The following PGR variants were observed in gnomAD, a reference collection of about 807,000 sequenced individuals.
PGR encodes the protein nuclear receptor subfamily 3 group C member 3.
A neutral mutation model predicts 76.1 loss-of-function variants in PGR; 25 were observed. The ratio of observed to expected loss-of-function variants is 0.33; its 90% CI spans 0.24 to 0.46. PGR has a LOEUF of 0.46. PGR is among the 20% of genes least tolerant of loss of function. The probability of loss-of-function intolerance (pLI) is 1.00; values close to 1 mark genes in which losing one functional copy is unlikely to be tolerated. For synonymous variants in PGR, 579 were observed against 535.0 expected, an observed-to-expected ratio of 1.08 and a Z score of -1.14; for missense variants, 1,172 against 1,225.3, an observed-to-expected ratio of 0.96 and a Z score of 0.65.
At chr11:101,059,842 CAAAAAAAAAA>C (rs781123527) in intron 4 of PGR, among the ~76,000 whole-genome samples, 1 of 62,808 alleles carries the variant, frequency 1.6e-5, no homozygotes, top group Non-Finnish European at 3.2e-5. Flanking sequence ...GACCCTCTCT[CAAAAAAAAAA>C]AAAAAAAAAG....
chr11:101,060,192 CGT>C (rs35939398), intron 4 of PGR, among the ~76,000 whole-genome samples: 5 of 150,700 alleles, frequency 3.3e-5, no homozygotes, highest in Admixed American at 6.6e-5. Context: ...TGTGTGTGTG[CGT>C]GTGTGTGTGT....
At chr11:101,118,018 T>G (rs1369469114) in intron 2 of PGR, among the ~76,000 whole-genome samples, 2 of 152,224 alleles carry the variant, frequency 1.3e-5, no homozygotes, top group Non-Finnish European at 2.9e-5. Flanking sequence ...GCACCCTAAG[T>G]CTGCAACACA....
At chr11:101,086,533 G>C (rs1311113211) in intron 3 of PGR, among the ~76,000 whole-genome samples, 3 of 152,142 alleles carry the variant, frequency 2.0e-5, no homozygotes, top group Non-Finnish European at 2.9e-5. Flanking sequence ...TCTGGAAAAA[G>C]TTAAGGATGC....
At chr11:101,125,029 C>T (rs1018617086) in intron 2 of PGR, among the ~76,000 whole-genome samples, 3 of 151,848 alleles carry the variant, frequency 2.0e-5, no homozygotes, top group African/African-American at 7.3e-5. Flanking sequence ...AACAAACAAA[C>T]AAAAATCCTC....
chr11:101,106,863 C>T (rs1445664141), intron 2 of PGR, among the ~76,000 whole-genome samples: 1 of 152,186 alleles, frequency 6.6e-6, no homozygotes, highest in African/African-American at 2.4e-5. Flanking sequence ...GGCACGTATA[C>T]ACCATGGAAT....
At chr11:101,080,994 C>T (rs1861287322) in intron 3 of PGR, among the ~76,000 whole-genome samples, 1 of 151,974 alleles carries the variant, frequency 6.6e-6, no homozygotes, top group Admixed American at 6.6e-5. Context: ...CAAAAAAACC[C>T]TATGAATTAT....
Position 101,030,737 on chromosome 11 carries a change from G to A in PGR, c.*8379C>T, listed in dbSNP as rs537329388. 18 of 207,168 alleles carry A rather than the reference G, an allele frequency of 8.7e-5. No individual in the cohort carries two copies. The highest frequency in any genetic ancestry group is 1.9e-4 in the South Asian group (1 of 5,290). 12.8% of individuals were successfully genotyped at this position (207,168 alleles called of 1,614,324 possible). On this transcript the variant is annotated 3_prime_UTR_variant, in exon 8 of 8. Coordinates refer to ENST00000325455, the MANE Select transcript of PGR (RefSeq NM_000926.4). ...TCTGGAGATTAGGGCTTTCTCAAGCGAAAAACATGGTCTAAATCTCAAAGG... is the reference window on the plus strand; with the variant it reads ...TCTGGAGATTAGGGCTTTCTCAAGCAAAAAACATGGTCTAAATCTCAAAGG...
At chr11:101,044,791 C>T (rs1352047189) in intron 6 of PGR, among the ~76,000 whole-genome samples, 2 of 149,972 alleles carry the variant, frequency 1.3e-5, no homozygotes, top group Admixed American at 6.7e-5. Flanking sequence ...ACTGCAACCT[C>T]CGCCTCCCAT....
intron 3 of PGR, among the ~76,000 whole-genome samples, chr11:101,084,953 G>C (rs1029373932): frequency 1.3e-5 from 2 of 152,172 alleles, no homozygotes; most frequent in Non-Finnish European, 2.9e-5. Context: ...GGCACACCCA[G>C]ATTCATAAAA....
rs899990073 is a variant in PGR at position 101,051,638 on chromosome 11, A to G, written c.2213-70T>C. 36 of 1,184,504 alleles carry G rather than the reference A, an allele frequency of 3.0e-5. No individual in the cohort carries two copies. The Admixed American group carries it at 5.9e-4, about 20-fold the overall frequency. 73.4% of individuals were successfully genotyped at this position (1,184,504 alleles called of 1,614,324 possible). A position where few individuals can be genotyped will look rare whatever the true frequency, so the allele number is the denominator to read the frequency against. On this transcript the variant is annotated intron_variant, in intron 4 of 7. Transcript: ENST00000325455. ...ATTATCTCAAAAATGTTGAAAATAC[A>G]TATAAATCTGAAAATAGGTATGCGT... is the stretch of plus-strand genomic sequence containing the variant.
chr11:101,078,342 A>G (rs993274837), intron 3 of PGR, among the ~76,000 whole-genome samples: 1 of 152,228 alleles, frequency 6.6e-6, no homozygotes, highest in African/African-American at 2.4e-5. Flanking sequence ...TTCAAAGAAG[A>G]TAACTATTCA....
Position 101,127,868 on chromosome 11 carries a change from C to A in PGR, c.1203G>T (p.Pro401=), listed in dbSNP as rs1024847581. ...TGGCACCGGCCACAAGGTAGGAACG[C>A]GGGGAGCGCGCGGAGGCCTCCGCGC... is the stretch of plus-strand genomic sequence containing the variant. ...EEGAEASARS[P]RSYLVAGANP... is the part of the protein sequence containing the mutation. Residue 401 remains proline (P), a synonymous_variant, in exon 1 of 8, where the codon CCG becomes CCT. Coordinates refer to ENST00000325455, the MANE Select transcript of PGR (RefSeq NM_000926.4). The A allele has an allele frequency of 3.1e-6, 5 of 1,599,908 alleles. No homozygotes were observed. In the East Asian group the frequency reaches 9.0e-5, roughly 29 times the overall value.
intron 3 of PGR, among the ~76,000 whole-genome samples, chr11:101,072,704 C>T (rs767196284): frequency 1.3e-5 from 2 of 152,074 alleles, no homozygotes; most frequent in Non-Finnish European, 2.9e-5. Context: ...AGACTTTAAA[C>T]CAACAAAGAT....
chr11:101,036,572 A>G lies in PGR; in HGVS notation c.*2544T>C, dbSNP rs1859523014. On this transcript the variant is annotated 3_prime_UTR_variant, in exon 8 of 8. Coordinates refer to ENST00000325455, the MANE Select transcript of PGR (RefSeq NM_000926.4). Reference sequence around the variant, plus strand: ...AGTAATGGAGACATTAGTAGATAGGACTTTGTAGAGAAAAAGATTTAGAAA... The same window carrying G: ...AGTAATGGAGACATTAGTAGATAGGGCTTTGTAGAGAAAAAGATTTAGAAA... The G allele has an allele frequency of 5.1e-6, 1 of 197,004 alleles. No individual in the cohort carries two copies. The highest frequency in any genetic ancestry group is 2.3e-5 in the African/African-American group (1 of 43,492). 12.2% of individuals were successfully genotyped at this position (197,004 alleles called of 1,614,324 possible).
At chr11:101,100,538 G>A (rs1042997346) in intron 2 of PGR, among the ~76,000 whole-genome samples, 1 of 151,600 alleles carries the variant, frequency 6.6e-6, no homozygotes, top group African/African-American at 2.4e-5. Context: ...TGCAGGAGAT[G>A]GAAGAACTAG....
Position 101,127,685 on chromosome 11 carries a change from C to T in PGR, c.1386G>A (p.Leu462=). 19 of 1,579,214 alleles carry T rather than the reference C, an allele frequency of 1.2e-5. No individual in the cohort carries two copies. Among genetic ancestry groups the T allele is most frequent in the Non-Finnish European group, 1.6e-5 (19 of 1,171,784 alleles). ...GGGGCGGCGCGCCCTCCGCTTTGTA[C>T]AGGATGCACTCCAGGGTCGACCCCG... ...SSSGSTLECI[L]YKAEGAPPQQ... Residue 462 remains leucine (L), a synonymous_variant, in exon 1 of 8, where the codon CTG becomes CTA. Transcript: ENST00000325455.
intron 3 of PGR, among the ~76,000 whole-genome samples, chr11:101,089,638 A>G (rs1177059184): frequency 4.9e-5 from 7 of 142,428 alleles, no homozygotes; most frequent in Non-Finnish European, 6.2e-5. Context: ...CTCGATATAC[A>G]GTTACTGAAA....
chr11:101,042,943 G>C (rs1859742779), intron 6 of PGR, among the ~76,000 whole-genome samples: 1 of 152,176 alleles, frequency 6.6e-6, no homozygotes, highest in South Asian at 2.1e-4. Context: ...TCTTTTTGCT[G>C]TTGGAGGGTG....
chr11:101,123,001 A>G (rs929151301), intron 2 of PGR, among the ~76,000 whole-genome samples: 2 of 151,918 alleles, frequency 1.3e-5, no homozygotes, highest in African/African-American at 4.8e-5. Flanking sequence ...CTAACCCTCT[A>G]TTGTTTTTCT....
Sources: gnomAD v4.1 joint callset for allele counts (sites outside exome capture counted in the v4.1 genomes callset) on GRCh38, gnomAD v4.1.1 for gene constraint, MANE v1.5 for transcripts, NCBI Gene and HGNC (gene_info 2026-07-23, HGNC 2026-07-21) for gene names.